CACNA1B: variants seen among roughly 807,000 people sequenced by gnomAD.
CACNA1B encodes the protein voltage-dependent N-type calcium channel subunit alpha-1B.
CACNA1B carries 70 observed loss-of-function variants against 247.2 expected under a neutral mutation model. The ratio of observed to expected loss-of-function variants is 0.28; its 90% CI spans 0.23 to 0.35. The LOEUF (loss-of-function observed/expected upper bound fraction) is 0.35. Among genes scored for constraint, CACNA1B ranks in the 10% least tolerant of loss-of-function variants. The probability of loss-of-function intolerance (pLI) is 1.00; values close to 1 mark genes in which losing one functional copy is unlikely to be tolerated. For synonymous variants in CACNA1B, 1,231 were observed against 1,294.4 expected (o/e 0.95, Z 1.05); for missense variants, 2,367 against 3,197.4 (o/e 0.74, Z 6.26).
At chr9:138,002,579 C>T (rs1278122079) in intron 15 of CACNA1B, among the ~76,000 whole-genome samples, 1 of 150,678 alleles carries the variant, frequency 6.6e-6, no homozygotes, top group African/African-American at 2.4e-5. Context: ...TGATGGTGCA[C>T]CTCTGCAGTC....
Position 138,073,533 on chromosome 9 carries a change from C to T in CACNA1B, c.4720C>T (p.Arg1574Trp), listed in dbSNP as rs202217999. ...CTTCCTCCGCCTCTTTCGAGCTGCG[C>T]GGCTGATCAAGCTGCTCCGCCAGGG... ...LSFLRLFRAA[R>W]LIKLLRQGYT... The change falls in exon 33 of 47, where the codon CGG becomes TGG. Residue 1574 changes from arginine (R) to tryptophan (W), a missense_variant. This residue lies in a region of CACNA1B where 436 missense variants were observed against 679.5 expected (regional missense o/e 0.64). Transcript: ENST00000371372. This position sits in a 1 kb window ranked among gnomAD's most constrained non-coding sequence, Gnocchi z 6.4. 1 of 1,613,332 alleles carries T rather than the reference C, an allele frequency of 6.2e-7. No homozygotes were observed. The highest frequency in any genetic ancestry group is 2.2e-5 in the East Asian group (1 of 44,874).
At chr9:137,932,115 A>T (rs1225457421) in intron 6 of CACNA1B, among the ~76,000 whole-genome samples, 1 of 152,182 alleles carries the variant, frequency 6.6e-6, no homozygotes, top group Non-Finnish European at 1.5e-5. Context: ...GACTGCTGCC[A>T]AGGAGTCTGT....
rs1410165634 is a variant in CACNA1B at position 137,971,274 on chromosome 9, G to T, written c.1334-109G>T. 3 of 731,816 alleles carry T rather than the reference G, an allele frequency of 4.1e-6. No homozygotes were observed. Among genetic ancestry groups the T allele is most frequent in the Non-Finnish European group, 7.0e-6 (3 of 428,824 alleles). 45.3% of individuals were successfully genotyped at this position (731,816 alleles called of 1,614,324 possible). ...TCACTGGCACAATTGTCTGTGACCG[G>T]CTGGGGCTGGGGGCAGGTGTCCTCC... On this transcript the variant is annotated intron_variant, in intron 10 of 46. Coordinates refer to ENST00000371372, the MANE Select transcript of CACNA1B (RefSeq NM_000718.4). The surrounding 1 kb of genome is among the most constrained non-coding windows in gnomAD (Gnocchi z 4.4).
rs766851677 is a variant in CACNA1B at position 137,914,608 on chromosome 9, C to T, written c.623-46C>T. Reference sequence around the variant, plus strand: ...CCCTGCCCCCACCAAATTCCTTGCCCTACCCTGCCCACGTTGCTTCCTGAC... The same window carrying T: ...CCCTGCCCCCACCAAATTCCTTGCCTTACCCTGCCCACGTTGCTTCCTGAC... On this transcript the variant is annotated intron_variant, in intron 4 of 46. Transcript: ENST00000371372. This position sits in a 1 kb window ranked among gnomAD's most constrained non-coding sequence, Gnocchi z 4.3. The T allele has an allele frequency of 4.4e-6, 7 of 1,574,924 alleles. No individual in the cohort carries two copies. In the East Asian group the frequency reaches 1.6e-4, roughly 35 times the overall value.
At chr9:137,998,320 G>T in intron 15 of CACNA1B, among the ~76,000 whole-genome samples, 1 of 152,196 alleles carries the variant, frequency 6.6e-6, no homozygotes, top group East Asian at 1.9e-4. Context: ...CCAAAAGAAA[G>T]CCAGTGTAGG....
rs112888707 is a variant in CACNA1B, at chr9:138,052,305, C to A, written c.3807+117C>A. ...AGTGTGTGTGTGTTCACATCACACCCCTGTGTGAGGGGGTTGGGCTCACTC... is the reference window on the plus strand; with the variant it reads ...AGTGTGTGTGTGTTCACATCACACCACTGTGTGAGGGGGTTGGGCTCACTC... On this transcript the variant is annotated intron_variant, in intron 25 of 46. Transcript: ENST00000371372. This position sits in a 1 kb window ranked among gnomAD's most constrained non-coding sequence, Gnocchi z 5.1. The A allele has an allele frequency of 1.6e-6, 1 of 634,576 alleles. No homozygotes were observed. Among genetic ancestry groups the A allele is most frequent in the Non-Finnish European group, 2.8e-6 (1 of 353,884 alleles). 39.3% of individuals were successfully genotyped at this position (634,576 alleles called of 1,614,324 possible).
chr9:137,974,759 C>T lies in CACNA1B; in HGVS notation c.1544-1148C>T, dbSNP rs1462634516. ...GGGGATTCAGAAGCCCTGGGAAGGC[C>T]GAGCTGGACTCTGCCCAGTTGTGGA... On this transcript the variant is annotated intron_variant, in intron 11 of 46. Coordinates refer to ENST00000371372, the MANE Select transcript of CACNA1B (RefSeq NM_000718.4). The surrounding 1 kb of genome is among the most constrained non-coding windows in gnomAD (Gnocchi z 4.5). Among the ~76,000 whole-genome samples, 1 of 152,202 alleles carries T rather than the reference C, an allele frequency of 6.6e-6. No homozygotes were observed. The highest frequency in any genetic ancestry group is 2.1e-4 in the South Asian group (1 of 4,832).
chr9:138,120,535 C>A (rs968622456), intron 45 of CACNA1B, 96 bp from the exon 46 acceptor site: 3 of 1,412,654 alleles, frequency 2.1e-6, no homozygotes, highest in Non-Finnish European at 2.8e-6. Context: ...ACCCTAGCCT[C>A]CCCTGGCACC....
At chr9:138,006,553 A>G (rs1316938952) in intron 15 of CACNA1B, among the ~76,000 whole-genome samples, 2 of 152,234 alleles carry the variant, frequency 1.3e-5, no homozygotes, top group Admixed American at 1.3e-4. Context: ...TTTAAGACCC[A>G]GTTCTGCAGC....
rs1956945016 is a variant in CACNA1B at position 137,882,794 on chromosome 9, C to T, written c.441C>T (p.Ile147=). 6.2e-7 allele frequency: 1 copy of T among 1,613,956 alleles called. No homozygotes were observed. The highest frequency in any genetic ancestry group is 8.5e-7 in the Non-Finnish European group (1 of 1,179,842). The part of the protein sequence containing the change: ...FIGIFCFEAG[I]KIIALGFVFH... ...GGATCTTTTGCTTCGAGGCAGGGAT[C>T]AAAATCATCGCTCTGGGCTTTGTCT... The change falls in exon 3 of 47, where the codon ATC becomes ATT. Residue 147 remains isoleucine, a synonymous_variant. Transcript: ENST00000371372. The surrounding 1 kb of genome is among the most constrained non-coding windows in gnomAD (Gnocchi z 4.0).
intron 36 of CACNA1B, among the ~76,000 whole-genome samples, chr9:138,083,939 C>T (rs1257466812): frequency 6.6e-6 from 1 of 150,864 alleles, no homozygotes; most frequent in Non-Finnish European, 1.5e-5. Context: ...TCCCCTGGGA[C>T]CCAAGATGCC....
intron 5 of CACNA1B, among the ~76,000 whole-genome samples, chr9:137,916,878 G>C (rs192733844): frequency 6.9e-6 from 1 of 144,308 alleles, no homozygotes; most frequent in Non-Finnish European, 1.5e-5. Flanking sequence ...TCAGCGTGGC[G>C]GTTTGGCTGT....
In CACNA1B at chr9:137,986,997, A is replaced by G; in HGVS notation, c.1974+143A>G. The G allele has an allele frequency of 2.6e-6, 2 of 762,334 alleles. No homozygotes were observed. Among genetic ancestry groups the G allele is most frequent in the Non-Finnish European group, 4.6e-6 (2 of 434,138 alleles). The allele number at this position is 762,334 out of a possible 1,614,324, so 47.2% of individuals were successfully genotyped here. ...ACTTTTCAGACACAGTGTTCCTCAA[A>G]CGAGGGAAGCACAGGCAGTCAGCAA... On this transcript the variant is annotated intron_variant, in intron 15 of 46. Transcript: ENST00000371372. This position sits in a 1 kb window ranked among gnomAD's most constrained non-coding sequence, Gnocchi z 6.0.
chr9:138,013,572 C>G (rs1399651001), intron 18 of CACNA1B, among the ~76,000 whole-genome samples: 1 of 152,200 alleles, frequency 6.6e-6, no homozygotes, highest in Admixed American at 6.5e-5. Context: ...CAGTAAGTTG[C>G]TTTTATGCAC....
chr9:138,120,229 C>G lies in CACNA1B; in HGVS notation c.6095C>G (p.Thr2032Ser), dbSNP rs201940970. The G allele has an allele frequency of 2.7e-4, 440 of 1,608,480 alleles. 2 individuals carry two copies. The African/African-American group carries it at 5.4e-3, about 20-fold the overall frequency. The change falls in exon 45 of 47, where the codon ACT (threonine) becomes AGT (serine). Residue 2032 changes from threonine (T) to serine (S), a missense_variant. Physicochemically the swap from Thr to Ser is moderately conservative, Grantham distance 58 (BLOSUM62 1). Around this residue, in one of 12 missense-constraint regions of CACNA1B, gnomAD observed 773 missense variants for 779.4 expected, o/e 0.99. Transcript: ENST00000371372. The stretch of plus-strand genomic sequence containing the variant: ...ACGCTGGCCCAGCGGCCCCGTGGGA[C>G]TCATCTTTGCAGCACCACCCCGGAC... ...ISTLAQRPRGTHLCSTTPDRP... is the reference protein window; with the variant it reads ...ISTLAQRPRGSHLCSTTPDRP...
rs1224059097 is a variant in CACNA1B at position 138,122,264 on chromosome 9, G to A, written c.*265G>A. 41 of 528,060 alleles carry A rather than the reference G, an allele frequency of 7.8e-5. No individual in the cohort carries two copies. The highest frequency in any genetic ancestry group is 2.0e-5 in the Non-Finnish European group (6 of 295,004). 32.7% of individuals were successfully genotyped at this position (528,060 alleles called of 1,614,324 possible). On this transcript the variant is annotated 3_prime_UTR_variant, in exon 47 of 47. Coordinates refer to ENST00000371372, the MANE Select transcript of CACNA1B (RefSeq NM_000718.4). ...ACCAGACCCTAAACCGCAGGCTGCT[G>A]TGTGTGGCTGAGAAGGACCCAGGAG...
intron 12 of CACNA1B, among the ~76,000 whole-genome samples, chr9:137,981,430 T>G (rs1402479601): frequency 6.6e-6 from 1 of 152,198 alleles, no homozygotes; most frequent in Admixed American, 6.5e-5. Flanking sequence ...CCTTCAGCAC[T>G]TGGCTCAGAG....
At position 137,986,971 on chromosome 9, in the gene CACNA1B, G is replaced by A. The variant is rs1958370821; in HGVS notation, c.1974+117G>A. On this transcript the variant is annotated intron_variant, in intron 15 of 46. Coordinates refer to ENST00000371372, the MANE Select transcript of CACNA1B (RefSeq NM_000718.4). This position sits in a 1 kb window ranked among gnomAD's most constrained non-coding sequence, Gnocchi z 6.0. ...GTTCCTCCACACGGCCCAGATCACT[G>A]ACTTTTCAGACACAGTGTTCCTCAA... 3.7e-6 allele frequency: 3 copies of A among 812,268 alleles called. No homozygotes were observed. In the South Asian group the frequency reaches 4.1e-5, roughly 11 times the overall value. 50.3% of individuals were successfully genotyped at this position (812,268 alleles called of 1,614,324 possible).
In CACNA1B at chr9:138,120,848, A is replaced by G; in HGVS notation, c.6456A>G (p.Pro2152=). The G allele has an allele frequency of 6.4e-7, 1 of 1,573,186 alleles. No individual in the cohort carries two copies. The highest frequency in any genetic ancestry group is 8.6e-7 in the Non-Finnish European group (1 of 1,159,598). Residue 2152 remains proline (P), a synonymous_variant, in exon 46 of 47, where the codon CCA becomes CCG. Coordinates refer to ENST00000371372, the MANE Select transcript of CACNA1B (RefSeq NM_000718.4). ...CCCTCAGCAGCCACCCAACGTCGCC[A>G]ACAGCTGGCCAGGAGCCGGGACCCC... ...KPSLSSHPTS[P]TAGQEPGPHP...
Sources: gnomAD v4.1 joint callset for allele counts (sites outside exome capture counted in the v4.1 genomes callset) on GRCh38, gnomAD v4.1.1 for gene constraint, gnomAD v4.1.1 regional missense constraint, Gnocchi (gnomAD v3.1) non-coding constraint, MANE v1.5 for transcripts, NCBI Gene and HGNC (gene_info 2026-07-23, HGNC 2026-07-21) for gene names.